Variants in CLRN2 observed in about 807,000 individuals in gnomAD.
CLRN2 encodes clarin-2.
A neutral mutation model predicts 20.1 loss-of-function variants in CLRN2; 17 were observed. The ratio of observed to expected loss-of-function variants is 0.85; its 90% CI spans 0.58 to 1.27. The LOEUF (loss-of-function observed/expected upper bound fraction) is 1.27, where lower values mean the gene tolerates loss of function less well. Ranked by LOEUF, CLRN2 falls within the 50% of genes most tolerant of loss-of-function variation. The probability of loss-of-function intolerance (pLI) is 0.00; values close to 1 mark genes in which losing one functional copy is unlikely to be tolerated. For synonymous variants in CLRN2, 140 were observed against 126.9 expected (o/e 1.10, Z -0.70); for missense variants, 288 against 299.5 (o/e 0.96, Z 0.28).
At chr4:17,524,333 C>A (rs920713680) in intron 2 of CLRN2, among the ~76,000 whole-genome samples, 3 of 151,896 alleles carry the variant, frequency 2.0e-5, no homozygotes, top group Admixed American at 6.6e-5. Context: ...ATAACAGAAT[C>A]TTGTGAAATG....
chr4:17,526,857 G>A lies in CLRN2; in HGVS notation c.474G>A (p.Ala158=), dbSNP rs117875715. Residue 158 remains alanine, a synonymous_variant, in exon 3 of 3, where the codon GCG becomes GCA. Transcript: ENST00000511148. ...VALAIASFVA[A]VKFHDLTERI... Reference sequence around the variant, plus strand: ...TAGCCATCGCCAGCTTCGTGGCTGCGGTGAAATTTCACGACCTGACGGAAC... The same window carrying A: ...TAGCCATCGCCAGCTTCGTGGCTGCAGTGAAATTTCACGACCTGACGGAAC... 10,851 of 1,613,968 alleles carry A rather than the reference G, an allele frequency of 6.7e-3. 351 individuals carry two copies. The East Asian group carries it at 0.099, about 15-fold the overall frequency.
chr4:17,520,823 C>T (rs1711821767), intron 1 of CLRN2, among the ~76,000 whole-genome samples: 1 of 152,068 alleles, frequency 6.6e-6, no homozygotes, highest in South Asian at 2.1e-4. Context: ...TTGAGACCAG[C>T]CTGGTCAACA....
chr4:17,521,568 A>C (rs1711838328), intron 1 of CLRN2, among the ~76,000 whole-genome samples: 1 of 152,244 alleles, frequency 6.6e-6, no homozygotes, highest in African/African-American at 2.4e-5. Flanking sequence ...TGTGAACAAC[A>C]GTTCTCAGAA....
rs557037689 is a variant in CLRN2, at chr4:17,515,512, A to T, written c.246A>T (p.Gln82His). ...RQCGLGGRQS[Q>H]FTIFPHLVKE... ...GTGGGCTTGGGGGCCGCCAATCCCA[A>T]TTCACGAGTGAGTATATTGGGAGCA... Residue 82 changes from glutamine to histidine, a missense_variant, in exon 1 of 3, where the codon CAA (glutamine) becomes CAT (histidine). Gln to His is a conservative substitution (Grantham distance 24). Transcript: ENST00000511148. 6.2e-7 allele frequency: 1 copy of T among 1,613,840 alleles called. No homozygotes were observed. Among genetic ancestry groups the T allele is most frequent in the Non-Finnish European group, 8.5e-7 (1 of 1,179,834 alleles).
At chr4:17,524,809 T>A (rs529272567) in intron 2 of CLRN2, among the ~76,000 whole-genome samples, 1 of 151,602 alleles carries the variant, frequency 6.6e-6, no homozygotes, top group Non-Finnish European at 1.5e-5. Flanking sequence ...TAGTCTCAGC[T>A]GCTTGAGAGC....
At chr4:17,520,847 G>A (rs773024699) in intron 1 of CLRN2, among the ~76,000 whole-genome samples, 14 of 152,026 alleles carry the variant, frequency 9.2e-5, no homozygotes, top group Non-Finnish European at 1.9e-4. Context: ...TGAAACCCCC[G>A]TCCCTGCTAA....
chr4:17,526,417 G>A (rs190110991), intron 2 of CLRN2, among the ~76,000 whole-genome samples: 2 of 152,200 alleles, frequency 1.3e-5, no homozygotes, highest in African/African-American at 2.4e-5. Context: ...AAAATTAGCC[G>A]GCTGTGGTGA....
intron 1 of CLRN2, among the ~76,000 whole-genome samples, chr4:17,517,032 G>A (rs1183971801): frequency 2.0e-5 from 3 of 152,224 alleles, no homozygotes; most frequent in African/African-American, 7.2e-5. Context: ...AGATGGGGAA[G>A]TGTGGATGAT....
chr4:17,525,591 A>G (rs986841467), intron 2 of CLRN2, among the ~76,000 whole-genome samples: 3 of 152,198 alleles, frequency 2.0e-5, no homozygotes, highest in Non-Finnish European at 4.4e-5. Context: ...TCGAGGCTGC[A>G]GTGAGCCGTG....
At chr4:17,520,419 A>G (rs1711812160) in intron 1 of CLRN2, among the ~76,000 whole-genome samples, 1 of 152,186 alleles carries the variant, frequency 6.6e-6, no homozygotes, top group Admixed American at 6.5e-5. Context: ...TGCTATTGTA[A>G]TGAATATCCA....
Position 17,523,001 on chromosome 4 carries a change from G to A in CLRN2, c.391G>A (p.Val131Ile). Reference protein sequence around the residue: ...LNMIQVPYRAVSGPGGICLWN... With the variant: ...LNMIQVPYRAISGPGGICLWN... Reference sequence around the variant, plus strand: ...CATGATCCAGGTCCCGTACCGGGCAGTCAGCGGTCCTGGGGGCATCTGCCT... The same window carrying A: ...CATGATCCAGGTCCCGTACCGGGCAATCAGCGGTCCTGGGGGCATCTGCCT... Residue 131 changes from valine to isoleucine, a missense_variant, in exon 2 of 3, where the codon GTC becomes ATC. Physicochemically the swap from Val to Ile is conservative, Grantham distance 29. Transcript: ENST00000511148. 6.2e-7 allele frequency: 1 copy of A among 1,613,702 alleles called. No individual in the cohort carries two copies. Among genetic ancestry groups the A allele is most frequent in the Non-Finnish European group, 8.5e-7 (1 of 1,179,868 alleles).
intron 1 of CLRN2, among the ~76,000 whole-genome samples, chr4:17,516,389 A>C (rs1005890935): frequency 6.6e-6 from 1 of 152,228 alleles, no homozygotes; most frequent in Non-Finnish European, 1.5e-5. Context: ...TCACTGGTGA[A>C]AAGTGTCTGC....
intron 1 of CLRN2, among the ~76,000 whole-genome samples, chr4:17,521,191 G>A (rs2109002456): frequency 6.6e-6 from 1 of 152,242 alleles, no homozygotes; most frequent in African/African-American, 2.4e-5. Flanking sequence ...ATCTTCCAGG[G>A]TAAAGTTTCC....
intron 1 of CLRN2, among the ~76,000 whole-genome samples, chr4:17,518,448 C>G (rs1037993709): frequency 1.3e-5 from 2 of 152,142 alleles, no homozygotes; most frequent in African/African-American, 4.8e-5. Flanking sequence ...ACAAACCAGA[C>G]AAGTACTTGC....
intron 2 of CLRN2, among the ~76,000 whole-genome samples, 157 bp from the exon 3 acceptor site, chr4:17,526,660 G>T (rs752354399): frequency 3.9e-5 from 6 of 152,206 alleles, no homozygotes; most frequent in Non-Finnish European, 7.3e-5. Flanking sequence ...TTCATACTGT[G>T]TGGGTTATCT....
rs1711866754 is a variant in CLRN2, at chr4:17,522,891, ACG to A, written c.283_284del (p.Ala95ArgfsTer27). 3.7e-6 allele frequency: 6 copies of A among 1,613,994 alleles called. No individual in the cohort carries two copies. In the South Asian group the frequency reaches 6.6e-5, roughly 18 times the overall value. On this transcript the variant is annotated frameshift_variant, in exon 2 of 3. Transcript: ENST00000511148. LOFTEE classifies it high-confidence loss of function. ...TTCCCACACCTGGTGAAGGAGCTCA[ACG>A]CAGGCCTTCATGTGATGATTCTGCT...
At chr4:17,522,754 G>T (rs1711863464) in intron 1 of CLRN2, 110 bp from the exon 2 acceptor site, 6 of 1,137,854 alleles carry the variant, frequency 5.3e-6, no homozygotes, top group Non-Finnish European at 6.4e-6. Context: ...CACGCTTGCT[G>T]TCTTGCCCTC....
At chr4:17,517,291 C>T (rs1192948291) in intron 1 of CLRN2, among the ~76,000 whole-genome samples, 1 of 152,152 alleles carries the variant, frequency 6.6e-6, no homozygotes, top group East Asian at 1.9e-4. Flanking sequence ...TGTCAGAGAA[C>T]AACCTCATCC....
In CLRN2 at chr4:17,522,871, A is replaced by T; in HGVS notation, c.261A>T (p.Pro87=). ...GGRQSQFTIF[P]HLVKELNAGL... The stretch of plus-strand genomic sequence containing the variant: ...TGTGTCTTGTCTCCCCAGTCTTCCC[A>T]CACCTGGTGAAGGAGCTCAACGCAG... Residue 87 remains proline, a synonymous_variant, in exon 2 of 3, where the codon CCA becomes CCT. Transcript: ENST00000511148. 1 of 1,613,552 alleles carries T rather than the reference A, an allele frequency of 6.2e-7. No individual in the cohort carries two copies. Among genetic ancestry groups the T allele is most frequent in the Middle Eastern group, 1.7e-4 (1 of 6,056 alleles).
Sources: gnomAD v4.1 joint callset for allele counts (sites outside exome capture counted in the v4.1 genomes callset) on GRCh38, gnomAD v4.1.1 for gene constraint, MANE v1.5 for transcripts, NCBI Gene and HGNC (gene_info 2026-07-23, HGNC 2026-07-21) for gene names.